Variants in LYRM4 observed in about 807,000 individuals in gnomAD.
LYRM4 encodes LYR motif-containing protein 4.
A neutral mutation model predicts 11.7 loss-of-function variants in LYRM4; 9 were observed. That is an observed-to-expected ratio of 0.77 (90% CI 0.46 to 1.34). The LOEUF (loss-of-function observed/expected upper bound fraction) is 1.34. Ranked by LOEUF, LYRM4 falls within the 40% of genes most tolerant of loss-of-function variation. LYRM4 has a pLI of 0.00. For synonymous variants in LYRM4, 42 were observed against 40.4 expected (o/e 1.04, Z -0.15); for missense variants, 133 against 112.5 (o/e 1.18, Z -0.82).
chr6:5,200,418 G>GGAGCATGCACTCTACTCCACCGGGT, intron 2 of LYRM4, among the ~76,000 whole-genome samples: 1 of 152,274 alleles, frequency 6.6e-6, no homozygotes, highest in East Asian at 1.9e-4. Flanking sequence ...AGCCTCCTCA[G>GGAGCATGCACTCTACTCCACCGGGT]GAGCATGCAC....
At chr6:5,242,615 G>A (rs1393693679) in intron 1 of LYRM4, among the ~76,000 whole-genome samples, 1 of 151,260 alleles carries the variant, frequency 6.6e-6, no homozygotes, top group African/African-American at 2.4e-5. Flanking sequence ...AGATACTCGG[G>A]AGGCTGAGGC....
rs547667265 is a variant in LYRM4 at position 5,216,832 on chromosome 6, T to C, written c.87-94A>G. 12 of 1,415,554 alleles carry C rather than the reference T, an allele frequency of 8.5e-6. No individual in the cohort carries two copies. The South Asian group carries it at 1.6e-4, about 19-fold the overall frequency. The allele number at this position is 1,415,554 out of a possible 1,614,324, so 87.7% of individuals were successfully genotyped here. ...TTAAAGTTTTTCCTTTAGAATTAAC[T>C]GTTTAATCTTCCCCTACGGATAATC... On this transcript the variant is annotated intron_variant, in intron 1 of 2. Transcript: ENST00000330636.
chr6:5,087,702 G>C, the LYRM4 span: 1 of 152,352 alleles, frequency 6.6e-6, no homozygotes, highest in Non-Finnish European at 1.5e-5. Context: ...CATGCCCAGC[G>C]AGTCAGTGCT....
intron 2 of LYRM4, among the ~76,000 whole-genome samples, chr6:5,167,788 C>T (rs1437866672): frequency 6.6e-6 from 1 of 152,066 alleles, no homozygotes; most frequent in African/African-American, 2.4e-5. Flanking sequence ...TAGAGAAATA[C>T]ATTGCATTTT....
At chr6:5,234,527 C>A (rs1763425186) in intron 1 of LYRM4, among the ~76,000 whole-genome samples, 1 of 152,174 alleles carries the variant, frequency 6.6e-6, no homozygotes, top group African/African-American at 2.4e-5. Flanking sequence ...AGTAACTCAG[C>A]CAGGGGCTTT....
At chr6:5,086,051 C>G in the LYRM4 span, 1 of 1,482,112 alleles carries the variant, frequency 6.7e-7, no homozygotes, top group Admixed American at 2.3e-5. Context: ...GTGGCCGCGC[C>G]CCTTTCAGCG....
At chr6:5,121,131 G>T (rs147329211) in intron 2 of LYRM4, among the ~76,000 whole-genome samples, 23 of 152,254 alleles carry the variant, frequency 1.5e-4, no homozygotes, top group African/African-American at 4.6e-4. Context: ...GCAATGGAGT[G>T]CATACTTTTC....
intron 2 of LYRM4, among the ~76,000 whole-genome samples, chr6:5,185,905 T>C (rs1760362539): frequency 6.6e-6 from 1 of 152,040 alleles, no homozygotes; most frequent in African/African-American, 2.4e-5. Flanking sequence ...CAGACGAGAC[T>C]GGGCCAGGGC....
At chr6:5,107,991 G>C (rs1762714653), downstream of LYRM4, 1 of 151,044 alleles carries the variant, frequency 6.6e-6, no homozygotes, top group Admixed American at 6.6e-5. Context: ...GGGTGACAGA[G>C]CGAGACTCCA....
the LYRM4 span, among the ~76,000 whole-genome samples, chr6:5,096,333 T>A: frequency 4.6e-5 from 7 of 151,806 alleles, no homozygotes; most frequent in Non-Finnish European, 8.8e-5. Context: ...CTACAAAAAA[T>A]TTAAAAATTA....
the LYRM4 span, among the ~76,000 whole-genome samples, chr6:5,094,356 C>T: frequency 2.6e-5 from 4 of 152,148 alleles, no homozygotes; most frequent in African/African-American, 7.2e-5. Context: ...TGATGGCACA[C>T]ACCCGTAGTC....
At chr6:5,238,051 T>C (rs1047145968) in intron 1 of LYRM4, among the ~76,000 whole-genome samples, 4 of 152,176 alleles carry the variant, frequency 2.6e-5, no homozygotes, top group African/African-American at 9.7e-5. Flanking sequence ...GGCTGCTTAC[T>C]GTCCTGCCTT....
chr6:5,046,191 C>T, the LYRM4 span, among the ~76,000 whole-genome samples: 20 of 151,978 alleles, frequency 1.3e-4, no homozygotes, highest in African/African-American at 4.4e-4. Context: ...CCGTTTCCCA[C>T]GCTGCAGTGC....
At chr6:5,211,587 T>G (rs1761989074) in intron 2 of LYRM4, among the ~76,000 whole-genome samples, 1 of 152,210 alleles carries the variant, frequency 6.6e-6, no homozygotes, top group Non-Finnish European at 1.5e-5. Flanking sequence ...TTCTTACAAC[T>G]GCAGATTCTG....
intron 1 of LYRM4, among the ~76,000 whole-genome samples, chr6:5,226,745 A>G (rs992391869): frequency 6.6e-6 from 1 of 152,248 alleles, no homozygotes; most frequent in East Asian, 1.9e-4. Flanking sequence ...TGGAAAATAT[A>G]TGTGTAGGAA....
At chr6:5,156,371 G>C (rs945766342) in intron 2 of LYRM4, among the ~76,000 whole-genome samples, 4 of 152,166 alleles carry the variant, frequency 2.6e-5, no homozygotes. Context: ...GGAGTGGCTG[G>C]GGCAGGAACC....
At chr6:5,231,266 C>T (rs1173971713) in intron 1 of LYRM4, among the ~76,000 whole-genome samples, 2 of 152,116 alleles carry the variant, frequency 1.3e-5, no homozygotes, top group Non-Finnish European at 2.9e-5. Flanking sequence ...GTACAGTAAC[C>T]TCAACCATTC....
chr6:5,157,493 CT>C (rs1758484532), intron 2 of LYRM4, among the ~76,000 whole-genome samples: 2 of 149,506 alleles, frequency 1.3e-5, no homozygotes, highest in South Asian at 4.2e-4. Context: ...CAGGAAGTAC[CT>C]AAACAGTATC....
At chr6:5,104,557 T>A (rs755596288), downstream of LYRM4, 1 of 152,168 alleles carries the variant, frequency 6.6e-6, no homozygotes, top group African/African-American at 2.4e-5. Context: ...TTACCAGGTA[T>A]GAGCCACCAC....
Sources: allele counts gnomAD v4.1 joint callset (sites outside exome capture counted in the v4.1 genomes callset), GRCh38; gene constraint gnomAD v4.1.1; transcripts MANE v1.5; gene names NCBI Gene and HGNC (gene_info 2026-07-23, HGNC 2026-07-21).